Variants in SULT6B1 observed in about 807,000 individuals in gnomAD.
SULT6B1 encodes the protein sulfotransferase family 6B member 1, also known as sulfotransferase 6B1.
In SULT6B1, 44 loss-of-function variants were observed where a neutral mutation model predicts 37.2. The ratio of observed to expected loss-of-function variants is 1.18; its 90% CI spans 0.93 to 1.52. The LOEUF (loss-of-function observed/expected upper bound fraction) is 1.52. SULT6B1 is among the 40% of genes most tolerant of loss of function. The pLI is 0.00. For missense variants in SULT6B1, 450 were observed against 361.0 expected (o/e 1.25, Z -2.00); for synonymous variants, 140 against 126.0 (o/e 1.11, Z -0.74).
At chr2:37,193,534 CTTTG>C (rs1244658672), upstream of SULT6B1, among the ~76,000 whole-genome samples, 3 of 145,630 alleles carry the variant, frequency 2.1e-5, no homozygotes, top group East Asian at 2.1e-4. Flanking sequence ...CCTTCTTTTC[CTTTG>C]TTTTTTTCCA....
At chr2:37,168,959 A>C (rs995456961) in intron 6 of SULT6B1, among the ~76,000 whole-genome samples, 1 of 152,250 alleles carries the variant, frequency 6.6e-6, no homozygotes, top group African/African-American at 2.4e-5. Flanking sequence ...AGAAAACACA[A>C]AACTGTTTAC....
intron 3 of SULT6B1, among the ~76,000 whole-genome samples, chr2:37,180,075 GAAA>G (rs1222883563): frequency 8.2e-4 from 125 of 152,332 alleles, no homozygotes; most frequent in African/African-American, 2.8e-3. Flanking sequence ...CTTTGATGAG[GAAA>G]GTGTTCCTTT....
intron 4 of SULT6B1, among the ~76,000 whole-genome samples, chr2:37,178,000 C>T (rs1413763243): frequency 1.3e-5 from 2 of 152,142 alleles, no homozygotes; most frequent in Non-Finnish European, 2.9e-5. Context: ...GGCCACTATA[C>T]TCATGGATGT....
chr2:37,195,987 A>G (rs566614995), intron 1 of SULT6B1: 1 of 151,420 alleles, frequency 6.6e-6, no homozygotes, highest in Admixed American at 6.6e-5. Context: ...ACGACCAGCT[A>G]TTTTTTTTTA....
chr2:37,186,738 T>TA (rs1009557720), intron 2 of SULT6B1, among the ~76,000 whole-genome samples: 10 of 151,316 alleles, frequency 6.6e-5, no homozygotes, highest in Admixed American at 5.3e-4. Flanking sequence ...CAAAAAAAAT[T>TA]AAAAAAAATT....
chr2:37,176,151 C>G (rs776790819), intron 4 of SULT6B1, among the ~76,000 whole-genome samples: 15 of 152,052 alleles, frequency 9.9e-5, no homozygotes, highest in Non-Finnish European at 2.1e-4. Flanking sequence ...TCTTAAAACT[C>G]CTTGTACCTT....
At chr2:37,187,226 G>A (rs985996779) in intron 2 of SULT6B1, 129 bp downstream of exon 2, 8 of 628,544 alleles carry the variant, frequency 1.3e-5, no homozygotes, top group Non-Finnish European at 2.3e-5. Flanking sequence ...CTGAGGATAT[G>A]GTAAGCACAC....
chr2:37,183,721 G>A (rs4670672), intron 2 of SULT6B1, among the ~76,000 whole-genome samples: 45,415 of 151,922 alleles, frequency 0.3, 7,812 homozygotes, highest in East Asian at 0.79. Flanking sequence ...TCAGCTCACC[G>A]CAACCTCTGC....
chr2:37,188,225 G>A (rs1002604523), intron 1 of SULT6B1, among the ~76,000 whole-genome samples: 10 of 151,910 alleles, frequency 6.6e-5, no homozygotes, highest in Non-Finnish European at 1.3e-4. Context: ...TGGCCTTTCC[G>A]CACAGAGCTC....
chr2:37,189,708 A>G (rs1676744354), upstream of SULT6B1, among the ~76,000 whole-genome samples: 1 of 152,148 alleles, frequency 6.6e-6, no homozygotes, highest in Non-Finnish European at 1.5e-5. Flanking sequence ...TGTGCGGGGA[A>G]GGTGCTTCTC....
At position 37,173,433 on chromosome 2, in the gene SULT6B1, T is replaced by C. The variant is rs939801660; in HGVS notation, c.624+1699A>G. ...GCTTTAAAGCACGGCTATGTGTCAG[T>C]GATGCCCAAATTTTATCTACGGCCC... is the stretch of plus-strand genomic sequence containing the variant. On this transcript the variant is annotated intron_variant, in intron 5 of 6. Coordinates refer to ENST00000535679, the MANE Select transcript of SULT6B1 (RefSeq NM_001367551.1). 2.0e-5 allele frequency among the ~76,000 whole-genome samples: 3 copies of C among 152,184 alleles called. No individual in the cohort carries two copies. In the South Asian group the frequency reaches 6.2e-4, roughly 32 times the overall value.
At chr2:37,194,891 TC>T (rs1206422796) in intron 1 of SULT6B1, among the ~76,000 whole-genome samples, 1,878 of 25,200 alleles carry the variant, frequency 0.075, 124 homozygotes, top group Non-Finnish European at 0.089. Context: ...CTTCCTTCCT[TC>T]CTTCTTTCCT....
Position 37,168,177 on chromosome 2 carries a change from A to G in SULT6B1, c.782-112T>C, listed in dbSNP as rs1416857134. On this transcript the variant is annotated intron_variant, in intron 6 of 6. Coordinates refer to ENST00000535679, the MANE Select transcript of SULT6B1 (RefSeq NM_001367551.1). ...GATATGTTAAAATGGACACATGGAA[A>G]AAAGCTTTACACTCTTTATTTAGTT... 5.4e-6 allele frequency: 6 copies of G among 1,119,300 alleles called. No individual in the cohort carries two copies. In the East Asian group the frequency reaches 1.8e-4, roughly 34 times the overall value. The allele number at this position is 1,119,300 out of a possible 1,614,324, so 69.3% of individuals were successfully genotyped here.
In SULT6B1 at chr2:37,181,106, G is replaced by A. The variant is rs538294862; in HGVS notation, c.403-1522C>T. On this transcript the variant is annotated intron_variant, in intron 3 of 6. Coordinates refer to ENST00000535679, the MANE Select transcript of SULT6B1 (RefSeq NM_001367551.1). ...TCTCAAAATACCTTGTCTGCCTAAA[G>A]AATTTAACTAACACCAACAGGATAA... Among the ~76,000 whole-genome samples, 46 of 152,246 alleles carry A rather than the reference G, an allele frequency of 3.0e-4. 1 individual carries two copies. In the South Asian group the frequency reaches 9.6e-3, roughly 32 times the overall value.
intron 2 of SULT6B1, among the ~76,000 whole-genome samples, chr2:37,185,671 T>C (rs1676656402): frequency 7.4e-6 from 1 of 135,798 alleles, no homozygotes; most frequent in African/African-American, 2.9e-5. Flanking sequence ...TGAGCCGAGA[T>C]CGCACCACTG....
intron 2 of SULT6B1, among the ~76,000 whole-genome samples, chr2:37,185,455 G>T (rs563165055): frequency 1.3e-5 from 2 of 152,224 alleles, no homozygotes; most frequent in African/African-American, 4.8e-5. Context: ...GGTGGCTCAT[G>T]CCTGTAATCC....
chr2:37,170,065 C>T (rs767506506), intron 6 of SULT6B1, among the ~76,000 whole-genome samples: 3 of 152,154 alleles, frequency 2.0e-5, no homozygotes, highest in Non-Finnish European at 4.4e-5. Flanking sequence ...TCATTTTCTT[C>T]CTCTTCCTTA....
intron 4 of SULT6B1, among the ~76,000 whole-genome samples, chr2:37,177,345 A>G (rs114924665): frequency 0.024 from 3,573 of 149,628 alleles, 64 homozygotes; most frequent in Middle Eastern, 0.058. Context: ...GTGAGCCCAG[A>G]AGGTCAAGGC....
At chr2:37,185,616 G>T (rs1418030648) in intron 2 of SULT6B1, among the ~76,000 whole-genome samples, 1 of 151,258 alleles carries the variant, frequency 6.6e-6, no homozygotes, top group African/African-American at 2.4e-5. Context: ...TACTCGAGAG[G>T]CTGAGGCAGG....
Sources: gnomAD v4.1 joint callset for allele counts (sites outside exome capture counted in the v4.1 genomes callset) on GRCh38, gnomAD v4.1.1 for gene constraint, MANE v1.5 for transcripts, NCBI Gene and HGNC (gene_info 2026-07-23, HGNC 2026-07-21) for gene names.